Variants in XKR6 observed in about 807,000 individuals in gnomAD.
XKR6 encodes XK-related protein 6.
In XKR6, 22 loss-of-function variants were observed where a neutral mutation model predicts 56.7. The observed-to-expected ratio is 0.39, with a 90% CI of 0.28 to 0.55. XKR6 has a LOEUF of 0.55. Among genes scored for constraint, XKR6 ranks in the 20% least tolerant of loss-of-function variants. XKR6 has a pLI of 0.66. For missense variants in XKR6, 852 were observed against 889.0 expected (o/e 0.96, Z 0.53); for synonymous variants, 524 against 387.8 (o/e 1.35, Z -4.13).
intron 1 of XKR6, among the ~76,000 whole-genome samples, chr8:11,181,234 G>A (rs1196960513): frequency 6.6e-6 from 1 of 152,132 alleles, no homozygotes; most frequent in Non-Finnish European, 1.5e-5. Context: ...ACTGAAGAGT[G>A]GTGAACGTTT....
chr8:11,192,031 A>G (rs1028125752), intron 1 of XKR6, among the ~76,000 whole-genome samples: 1 of 152,226 alleles, frequency 6.6e-6, no homozygotes, highest in Non-Finnish European at 1.5e-5. Context: ...AAATATATCT[A>G]TATTAACAAC....
intron 1 of XKR6, among the ~76,000 whole-genome samples, chr8:10,929,847 C>T (rs2129119336): frequency 6.6e-6 from 1 of 152,294 alleles, no homozygotes; most frequent in African/African-American, 2.4e-5. Context: ...TTCCTGTGTT[C>T]CCTCCAGCCC....
intron 1 of XKR6, among the ~76,000 whole-genome samples, chr8:11,026,439 TTAGATAGTCTAGCCTACTACACACC>T (rs1798865930): frequency 1.6e-4 from 14 of 88,632 alleles, no homozygotes; most frequent in African/African-American, 1.0e-3. Context: ...TACTACACAC[TTAGATAGTCTAGCCTACTACACACC>T]TAGATGGTCT....
At chr8:10,996,063 G>C (rs1798106686) in intron 1 of XKR6, among the ~76,000 whole-genome samples, 1 of 151,754 alleles carries the variant, frequency 6.6e-6, no homozygotes, top group African/African-American at 2.4e-5. Context: ...CTACACTACA[G>C]ATTCATATAG....
At chr8:10,917,513 C>G (rs10089764) in intron 2 of XKR6, among the ~76,000 whole-genome samples, 2,314 of 152,316 alleles carry the variant, frequency 0.015, 64 homozygotes, top group African/African-American at 0.051. Context: ...CAGGAATGGT[C>G]TACATGGCAC....
intron 2 of XKR6, among the ~76,000 whole-genome samples, chr8:10,912,536 TAGAG>T (rs1454260490): frequency 1.7e-4 from 22 of 128,036 alleles, no homozygotes; most frequent in South Asian, 2.6e-4. Flanking sequence ...TGAGTATATA[TAGAG>T]AAAGAGAGAG....
At chr8:10,984,133 A>G (rs1006968690) in intron 1 of XKR6, among the ~76,000 whole-genome samples, 1 of 152,242 alleles carries the variant, frequency 6.6e-6, no homozygotes, top group Non-Finnish European at 1.5e-5. Context: ...CGAGGCATGT[A>G]TTGCACAAAT....
chr8:11,071,556 C>T (rs35028798), intron 1 of XKR6, among the ~76,000 whole-genome samples: 19,977 of 107,992 alleles, frequency 0.18, 2,547 homozygotes, highest in African/African-American at 0.33. Context: ...GCCCCGAGTC[C>T]ATGAGCCCCG....
At chr8:11,099,547 T>G (rs1182546763) in intron 1 of XKR6, among the ~76,000 whole-genome samples, 1 of 152,200 alleles carries the variant, frequency 6.6e-6, no homozygotes, top group African/African-American at 2.4e-5. Flanking sequence ...GCTGGATTTT[T>G]TTCATAACTC....
chr8:11,050,570 TTA>T (rs1491474046), intron 1 of XKR6, among the ~76,000 whole-genome samples: 3 of 109,568 alleles, frequency 2.7e-5, no homozygotes, highest in African/African-American at 8.1e-5. Context: ...TTCATTTTAT[TTA>T]AAAAAAAAAA....
chr8:11,024,206 TGTGTG>T (rs1180409885), intron 1 of XKR6, among the ~76,000 whole-genome samples: 3 of 39,784 alleles, frequency 7.5e-5, no homozygotes, highest in Non-Finnish European at 1.5e-4. Flanking sequence ...TGTTAGGAGG[TGTGTG>T]TGTGTGTGTG....
chr8:11,127,564 C>T (rs1303328657), intron 1 of XKR6, among the ~76,000 whole-genome samples: 2 of 152,192 alleles, frequency 1.3e-5, no homozygotes, highest in Non-Finnish European at 2.9e-5. Flanking sequence ...TATTCATTGG[C>T]TTGTGGCCCC....
intron 1 of XKR6, among the ~76,000 whole-genome samples, chr8:11,196,317 T>A (rs1007697481): frequency 6.6e-6 from 1 of 152,200 alleles, no homozygotes; most frequent in African/African-American, 2.4e-5. Context: ...ATTATTTGTA[T>A]CCCATAAAAG....
At chr8:11,006,404 T>A (rs1798369873) in intron 1 of XKR6, among the ~76,000 whole-genome samples, 1 of 152,118 alleles carries the variant, frequency 6.6e-6, no homozygotes, top group Non-Finnish European at 1.5e-5. Context: ...TCACTATCCA[T>A]CCCTTATCGT....
chr8:11,167,992 C>G (rs1384175322), intron 1 of XKR6, among the ~76,000 whole-genome samples: 2 of 151,066 alleles, frequency 1.3e-5, no homozygotes, highest in Non-Finnish European at 3.0e-5. Flanking sequence ...GGAATATAAT[C>G]CCTACAAAAA....
At chr8:11,188,359 C>T (rs1235579611) in intron 1 of XKR6, among the ~76,000 whole-genome samples, 1 of 152,170 alleles carries the variant, frequency 6.6e-6, no homozygotes, top group African/African-American at 2.4e-5. Context: ...TCCACAAATG[C>T]TACAAACACA....
At chr8:10,899,957 C>T (rs1018917470) in intron 2 of XKR6, among the ~76,000 whole-genome samples, 7 of 152,172 alleles carry the variant, frequency 4.6e-5, no homozygotes, top group Non-Finnish European at 2.9e-5. Flanking sequence ...AGTCATTATT[C>T]GAGTGCTGTC....
intron 1 of XKR6, among the ~76,000 whole-genome samples, chr8:11,027,427 A>G (rs1397493337): frequency 1.3e-5 from 2 of 152,214 alleles, no homozygotes; most frequent in Non-Finnish European, 2.9e-5. Flanking sequence ...AATGTGATTC[A>G]CATTTATGGT....
chr8:10,969,098 C>T (rs1463527716), intron 1 of XKR6, among the ~76,000 whole-genome samples: 1 of 152,186 alleles, frequency 6.6e-6, no homozygotes, highest in Non-Finnish European at 1.5e-5. Context: ...TGACAAAAAT[C>T]CTGATTGTCA....
Sources: gnomAD v4.1 joint callset for allele counts (sites outside exome capture counted in the v4.1 genomes callset) on GRCh38, gnomAD v4.1.1 for gene constraint, MANE v1.5 for transcripts, NCBI Gene and HGNC (gene_info 2026-07-23, HGNC 2026-07-21) for gene names.